Variants in MMP16 observed in about 807,000 individuals in gnomAD.
The protein encoded by MMP16 is matrix metalloproteinase-16.
In MMP16, 12 loss-of-function variants were observed where a neutral mutation model predicts 67.8. The observed-to-expected ratio is 0.18, with a 90% CI of 0.11 to 0.29. MMP16 has a LOEUF of 0.29. MMP16 is among the 10% of genes least tolerant of loss of function. The pLI is 1.00. For missense variants in MMP16, 475 were observed against 765.7 expected, an observed-to-expected ratio of 0.62 and a Z score of 4.48; for synonymous variants, 249 against 255.9, an observed-to-expected ratio of 0.97 and a Z score of 0.26.
At chr8:88,184,392 A>C (rs1394224596) in intron 3 of MMP16, among the ~76,000 whole-genome samples, 1 of 151,732 alleles carries the variant, frequency 6.6e-6, no homozygotes. Context: ...TGACCAGAAA[A>C]ATAATCTATC....
intron 1 of MMP16, among the ~76,000 whole-genome samples, chr8:88,213,977 G>A (rs1289146287): frequency 6.6e-6 from 1 of 152,008 alleles, no homozygotes; most frequent in Non-Finnish European, 1.5e-5. Flanking sequence ...GGTACTACTA[G>A]TAATTCAACC....
chr8:88,180,479 T>G (rs915708878), intron 3 of MMP16, among the ~76,000 whole-genome samples: 1 of 151,988 alleles, frequency 6.6e-6, no homozygotes, highest in Non-Finnish European at 1.5e-5. Context: ...TTAAAAAAAC[T>G]AAGCCATATT....
chr8:88,292,230 T>C (rs1281648741), intron 1 of MMP16, among the ~76,000 whole-genome samples: 2 of 152,198 alleles, frequency 1.3e-5, no homozygotes, highest in Admixed American at 6.5e-5. Context: ...CGTTCAAACC[T>C]CTCTGTGTTA....
intron 1 of MMP16, among the ~76,000 whole-genome samples, chr8:88,262,803 C>A (rs1810407379): frequency 7.2e-6 from 1 of 139,202 alleles, no homozygotes; most frequent in African/African-American, 2.6e-5. Flanking sequence ...GAGATCGTAG[C>A]CATCCTGGCT....
intron 4 of MMP16, among the ~76,000 whole-genome samples, chr8:88,145,390 T>C (rs1808274504): frequency 6.6e-6 from 1 of 151,970 alleles, no homozygotes; most frequent in Non-Finnish European, 1.5e-5. Context: ...AACATTATCA[T>C]ATGTAAGGGC....
At chr8:88,250,458 T>G (rs1810192405) in intron 1 of MMP16, among the ~76,000 whole-genome samples, 1 of 152,004 alleles carries the variant, frequency 6.6e-6, no homozygotes, top group Non-Finnish European at 1.5e-5. Flanking sequence ...ATTCAATTTT[T>G]AAACCACTTA....
At chr8:88,173,017 C>A (rs183553820) in intron 3 of MMP16, among the ~76,000 whole-genome samples, 1 of 152,124 alleles carries the variant, frequency 6.6e-6, no homozygotes, top group Non-Finnish European at 1.5e-5. Flanking sequence ...AACAATTTTA[C>A]ATATTAGTAA....
intron 3 of MMP16, among the ~76,000 whole-genome samples, chr8:88,168,488 T>C (rs1436714102): frequency 6.6e-6 from 1 of 152,224 alleles, no homozygotes; most frequent in African/African-American, 2.4e-5. Flanking sequence ...TTTCTGATGT[T>C]CTATTGTTTC....
intron 4 of MMP16, among the ~76,000 whole-genome samples, chr8:88,133,442 A>C (rs963653330): frequency 6.6e-6 from 1 of 151,820 alleles, no homozygotes; most frequent in African/African-American, 2.4e-5. Context: ...TGTTCTACAA[A>C]GGCTGGAGAA....
chr8:88,130,287 C>T (rs1344508931), intron 4 of MMP16, among the ~76,000 whole-genome samples: 1 of 151,742 alleles, frequency 6.6e-6, no homozygotes, highest in Non-Finnish European at 1.5e-5. Flanking sequence ...GTACATGGCA[C>T]ATACCAATAA....
chr8:88,155,265 C>G (rs1368734161), intron 4 of MMP16, among the ~76,000 whole-genome samples: 1 of 152,012 alleles, frequency 6.6e-6, no homozygotes, highest in Non-Finnish European at 1.5e-5. Context: ...ATGCAAAGGA[C>G]ATGCATGTAA....
At chr8:88,258,377 A>T (rs1810337687) in intron 1 of MMP16, among the ~76,000 whole-genome samples, 1 of 152,230 alleles carries the variant, frequency 6.6e-6, no homozygotes, top group Non-Finnish European at 1.5e-5. Context: ...TGAATAAGTT[A>T]CCAGAGTGAG....
At chr8:88,141,381 A>T (rs1231349736) in intron 4 of MMP16, among the ~76,000 whole-genome samples, 2 of 152,198 alleles carry the variant, frequency 1.3e-5, no homozygotes, top group East Asian at 3.9e-4. Flanking sequence ...TTAAATTTTT[A>T]TCTATTAGAT....
intron 1 of MMP16, among the ~76,000 whole-genome samples, chr8:88,273,033 AAG>A (rs1480015851): frequency 6.6e-6 from 1 of 151,338 alleles, no homozygotes; most frequent in Non-Finnish European, 1.5e-5. Flanking sequence ...AACAAAAAAA[AAG>A]AAAAAAAAAA....
intron 2 of MMP16, among the ~76,000 whole-genome samples, chr8:88,187,553 T>G (rs1449502037): frequency 1.3e-5 from 2 of 152,192 alleles, no homozygotes; most frequent in Non-Finnish European, 2.9e-5. Flanking sequence ...AAACAATCAA[T>G]TTTTGGAGTA....
chr8:88,323,223 TA>T (rs957790822), intron 1 of MMP16, among the ~76,000 whole-genome samples: 4 of 152,150 alleles, frequency 2.6e-5, no homozygotes, highest in African/African-American at 9.7e-5. Context: ...TGTCCCAACA[TA>T]AGAATGTAAA....
intron 1 of MMP16, among the ~76,000 whole-genome samples, chr8:88,290,952 A>T (rs560307043): frequency 1.1e-4 from 16 of 152,298 alleles, no homozygotes; most frequent in Admixed American, 2.0e-4. Flanking sequence ...GATTCTAATG[A>T]GTAAAACCTT....
chr8:88,295,547 T>C (rs972822622), intron 1 of MMP16, among the ~76,000 whole-genome samples: 2 of 152,250 alleles, frequency 1.3e-5, no homozygotes, highest in Non-Finnish European at 2.9e-5. Flanking sequence ...ACAGAGGCTG[T>C]ATCTTATACT....
chr8:88,082,074 A>G (rs1024488855), intron 6 of MMP16, among the ~76,000 whole-genome samples: 1 of 152,084 alleles, frequency 6.6e-6, no homozygotes, highest in Non-Finnish European at 1.5e-5. Context: ...ATGTATAAAG[A>G]ACTCTTAAAA....
Sources: gnomAD v4.1 joint callset for allele counts (sites outside exome capture counted in the v4.1 genomes callset) on GRCh38, gnomAD v4.1.1 for gene constraint, MANE v1.5 for transcripts, NCBI Gene and HGNC (gene_info 2026-07-23, HGNC 2026-07-21) for gene names.